Variants in NEK3 observed in about 807,000 individuals in gnomAD.
NEK3 encodes serine/threonine-protein kinase Nek3.
A neutral mutation model predicts 66.0 loss-of-function variants in NEK3; 54 were observed. The ratio of observed to expected loss-of-function variants is 0.82; its 90% confidence interval spans 0.66 to 1.03. The LOEUF is 1.03. NEK3 is among the 50% of genes least tolerant of loss of function. The probability of loss-of-function intolerance (pLI) is 0.00; values close to 1 mark genes in which losing one functional copy is unlikely to be tolerated. For synonymous variants in NEK3, 200 were observed against 206.2 expected (o/e 0.97, Z 0.26); for missense variants, 593 against 603.0 (o/e 0.98, Z 0.17).
At chr13:52,134,714 G>A (rs1161853572) in intron 14 of NEK3, among the ~76,000 whole-genome samples, 2 of 152,046 alleles carry the variant, frequency 1.3e-5, no homozygotes, top group African/African-American at 4.8e-5. Context: ...CAAAATCCAG[G>A]ACCTAAAATT....
At position 52,156,539 on chromosome 13, in the gene NEK3, G is replaced by A. The variant is rs535170195; in HGVS notation, c.-57-291C>T. The A allele has an allele frequency of 2.8e-4, 50 of 176,178 alleles. No individual in the cohort carries two copies. In the South Asian group the frequency reaches 6.1e-3, roughly 22 times the overall value. The allele number at this position is 176,178 out of a possible 1,614,324, so 10.9% of individuals were successfully genotyped here. On this transcript the variant is annotated intron_variant, in intron 1 of 15. Coordinates refer to ENST00000610828, the MANE Select transcript of NEK3 (RefSeq NM_002498.3). Reference sequence around the variant, plus strand: ...TCTTCCTTTCCAGTACCAGGAAGAGGAGAGCAACTCTTACCAATGGGGAAG... The same window carrying A: ...TCTTCCTTTCCAGTACCAGGAAGAGAAGAGCAACTCTTACCAATGGGGAAG...
At chr13:52,143,848 T>C in intron 10 of NEK3, 67 bp downstream of exon 10, 3 of 806,150 alleles carry the variant, frequency 3.7e-6, no homozygotes, top group South Asian at 1.6e-5. Context: ...AAATTATACA[T>C]TTCTTTTCTG....
At chr13:52,139,646 C>T (rs550566164) in intron 11 of NEK3, among the ~76,000 whole-genome samples, 23 of 152,246 alleles carry the variant, frequency 1.5e-4, no homozygotes, top group African/African-American at 5.1e-4. Flanking sequence ...TGCCTGTAAT[C>T]CTAGCACTTT....
In NEK3 at chr13:52,135,758, G is replaced by A. The variant is rs1956198605; in HGVS notation, c.1280C>T (p.Ala427Val). Reference sequence around the variant, plus strand: ...TCTATATATTGTGTATGTTTGAAAAGCCAAGCTGAGATCAGCATTCTTAAG... The same window carrying A: ...TCTATATATTGTGTATGTTTGAAAAACCAAGCTGAGATCAGCATTCTTAAG... The part of the protein sequence containing the change: ...NILKNADLSL[A>V]FQTYTIYRPG... Residue 427 changes from alanine to valine, a missense_variant, in exon 14 of 16, where the codon GCT (alanine) becomes GTT (valine). By Grantham distance (64) the Ala-to-Val change is moderately conservative. Coordinates refer to ENST00000610828, the MANE Select transcript of NEK3 (RefSeq NM_002498.3). 2.3e-5 allele frequency: 37 copies of A among 1,613,538 alleles called. No individual in the cohort carries two copies. Among genetic ancestry groups the A allele is most frequent in the Non-Finnish European group, 3.1e-5 (37 of 1,179,650 alleles).
intron 11 of NEK3, among the ~76,000 whole-genome samples, chr13:52,137,293 G>T (rs2897977): frequency 0.47 from 71,036 of 151,882 alleles, 18,546 homozygotes; most frequent in Non-Finnish European, 0.59. Flanking sequence ...ATCAAAATGA[G>T]ATATTTTATA....
At chr13:52,159,616 C>T (rs948305724), upstream of NEK3, 1 of 152,368 alleles carries the variant, frequency 6.6e-6, no homozygotes, top group East Asian at 1.9e-4. Flanking sequence ...CCCGGCGGGT[C>T]GTCTCTCGGG....
chr13:52,135,831 T>A lies in NEK3; in HGVS notation c.1207A>T (p.Thr403Ser), dbSNP rs765188790. 3 of 1,613,518 alleles carry A rather than the reference T, an allele frequency of 1.9e-6. No individual in the cohort carries two copies. In the Admixed American group the frequency reaches 5.0e-5, roughly 27 times the overall value. ...GSVIKYSKNT[T>S]RKQWLKETPD... Reference sequence around the variant, plus strand: ...GTCTCTTTGAGCCACTGCTTACGAGTAGTATTTTTGCTGTACTTTATTACA... The same window carrying A: ...GTCTCTTTGAGCCACTGCTTACGAGAAGTATTTTTGCTGTACTTTATTACA... The change falls in exon 14 of 16, where the codon ACT becomes TCT. Residue 403 changes from threonine (T) to serine (S), a missense_variant. Physicochemically the swap from Thr to Ser is moderately conservative, Grantham distance 58. Coordinates refer to ENST00000610828, the MANE Select transcript of NEK3 (RefSeq NM_002498.3).
chr13:52,144,531 G>A (rs892688559), intron 9 of NEK3, among the ~76,000 whole-genome samples, 160 bp downstream of exon 9: 4 of 152,306 alleles, frequency 2.6e-5, no homozygotes, highest in South Asian at 2.1e-4. Flanking sequence ...CATTGTGGGC[G>A]GGAAGAGGAA....
At position 52,151,070 on chromosome 13, in the gene NEK3, C is replaced by T. The variant is rs757310472; in HGVS notation, c.548+76G>A. On this transcript the variant is annotated intron_variant, in intron 7 of 15. Coordinates refer to ENST00000610828, the MANE Select transcript of NEK3 (RefSeq NM_002498.3). ...CCATGCATCTGTTTTGAAGTGACGT[C>T]AGACTCTAGCATCATTTGCAGGCTA... The T allele has an allele frequency of 6.2e-6, 7 of 1,134,660 alleles. No homozygotes were observed. The Admixed American group carries it at 1.4e-4, about 23-fold the overall frequency. 70.3% of individuals were successfully genotyped at this position (1,134,660 alleles called of 1,614,324 possible).
intron 11 of NEK3, among the ~76,000 whole-genome samples, chr13:52,138,239 C>T (rs1033889255): frequency 3.3e-5 from 5 of 152,190 alleles, no homozygotes; most frequent in African/African-American, 9.7e-5. Context: ...CCAGGCTTGA[C>T]GCAAACTCCT....
chr13:52,151,551 G>A lies in NEK3; in HGVS notation c.394-159C>T, dbSNP rs548546759. ...AAAACACCAAGATCCCCTCTTGATCGCTAGACATTCCCCTGCATGGAAACT... is the reference window on the plus strand; with the variant it reads ...AAAACACCAAGATCCCCTCTTGATCACTAGACATTCCCCTGCATGGAAACT... On this transcript the variant is annotated intron_variant, in intron 5 of 15. Transcript: ENST00000610828. Among the ~76,000 whole-genome samples, 13 of 152,282 alleles carry A rather than the reference G, an allele frequency of 8.5e-5. No homozygotes were observed. In the South Asian group the frequency reaches 1.0e-3, roughly 12 times the overall value.
At chr13:52,140,017 C>G (rs1253573309) in intron 11 of NEK3, among the ~76,000 whole-genome samples, 2 of 114,698 alleles carry the variant, frequency 1.7e-5, no homozygotes, top group African/African-American at 6.5e-5. Context: ...GCCCAGGTAA[C>G]ATAGCAAAAT....
chr13:52,146,677 C>T (rs1195411768), intron 8 of NEK3, among the ~76,000 whole-genome samples: 2 of 152,206 alleles, frequency 1.3e-5, no homozygotes, highest in Non-Finnish European at 2.9e-5. Flanking sequence ...CATTAATGCC[C>T]AGGACATTTT....
At position 52,157,645 on chromosome 13, in the gene NEK3, G is replaced by T. The variant is rs368818661; in HGVS notation, c.-57-1397C>A. On this transcript the variant is annotated intron_variant, in intron 1 of 15. Coordinates refer to ENST00000610828, the MANE Select transcript of NEK3 (RefSeq NM_002498.3). ...AAGAGAGATGTTAAACACACAGTTG[G>T]AGTCCTTGACTTCAGTCTCCCATCT... 5.9e-5 allele frequency among the ~76,000 whole-genome samples: 9 copies of T among 152,302 alleles called. No individual in the cohort carries two copies. In the East Asian group the frequency reaches 1.4e-3, roughly 23 times the overall value.
At chr13:52,151,296 T>C in intron 6 of NEK3, 29 bp downstream of exon 6, 1 of 1,596,064 alleles carries the variant, frequency 6.3e-7, no homozygotes, top group Non-Finnish European at 8.5e-7. Flanking sequence ...TTTTGATTAC[T>C]GTCACTACCG....
chr13:52,143,851 C>A (rs928409057), intron 10 of NEK3, 64 bp downstream of exon 10: 1 of 813,664 alleles, frequency 1.2e-6, no homozygotes, highest in Non-Finnish European at 2.0e-6. Flanking sequence ...TTATACATTT[C>A]TTTTCTGTTA....
chr13:52,143,680 G>C (rs796324309), intron 10 of NEK3, among the ~76,000 whole-genome samples: 16 of 152,252 alleles, frequency 1.1e-4, no homozygotes, highest in African/African-American at 3.9e-4. Context: ...AATAATGACA[G>C]CATAATCTTT....
intron 11 of NEK3, among the ~76,000 whole-genome samples, chr13:52,140,330 C>T (rs144459023): frequency 4.7e-3 from 707 of 151,118 alleles, no homozygotes; most frequent in Non-Finnish European, 7.6e-3. Flanking sequence ...AAATGGAGGC[C>T]GGGCACGGTG....
chr13:52,151,146 C>G lies in NEK3; in HGVS notation c.548G>C (p.Ser183Thr), dbSNP rs1416243709. ...CTGACATCAAATATGCAGCACTCAC[C>G]TTTTATTGTTATAAGGCAGGTTTTC... ...IWENLPYNNKSDIWSLGCILY... is the reference protein window; with the variant it reads ...IWENLPYNNKTDIWSLGCILY... The change falls in exon 7 of 16, where the codon AGT (serine) becomes ACT (threonine). Residue 183 changes from serine (S) to threonine (T), a missense_variant and splice_region_variant. By Grantham distance (58) the Ser-to-Thr change is moderately conservative. Transcript: ENST00000610828. 1 of 1,603,596 alleles carries G rather than the reference C, an allele frequency of 6.2e-7. No individual in the cohort carries two copies. The highest frequency in any genetic ancestry group is 8.5e-7 in the Non-Finnish European group (1 of 1,174,942).
Sources: gnomAD v4.1 joint callset for allele counts (sites outside exome capture counted in the v4.1 genomes callset) on GRCh38, gnomAD v4.1.1 for gene constraint, MANE v1.5 for transcripts, NCBI Gene and HGNC (gene_info 2026-07-23, HGNC 2026-07-21) for gene names.